Variants in C8orf34 observed in about 807,000 individuals in gnomAD.
The protein encoded by C8orf34 is uncharacterized protein C8orf34.
In C8orf34, 65 loss-of-function variants were observed where a neutral mutation model predicts 68.3. The observed-to-expected ratio is 0.95, with a 90% confidence interval of 0.78 to 1.17. The LOEUF is 1.17. C8orf34 is among the 50% of genes most tolerant of loss of function. The pLI is 0.00. For synonymous variants in C8orf34, 244 were observed against 241.2 expected (o/e 1.01, Z -0.11); for missense variants, 664 against 655.4 (o/e 1.01, Z -0.14).
intron 12 of C8orf34, among the ~76,000 whole-genome samples, chr8:68,809,787 T>C (rs1469390382): frequency 2.0e-5 from 3 of 152,216 alleles, no homozygotes; most frequent in African/African-American, 7.2e-5. Flanking sequence ...TTCCATTGTT[T>C]GAGCTAGTAT....
At chr8:68,806,980 G>A (rs1824507371) in intron 12 of C8orf34, among the ~76,000 whole-genome samples, 1 of 152,210 alleles carries the variant, frequency 6.6e-6, no homozygotes, top group Non-Finnish European at 1.5e-5. Flanking sequence ...TGAATTGGTG[G>A]TTACTGTTGG....
At chr8:68,539,726 T>C (rs1815628676) in intron 7 of C8orf34, among the ~76,000 whole-genome samples, 1 of 151,838 alleles carries the variant, frequency 6.6e-6, no homozygotes, top group Non-Finnish European at 1.5e-5. Flanking sequence ...TGGTGGCACA[T>C]GCCCGTAATC....
chr8:68,746,829 T>G (rs931489866), intron 10 of C8orf34, among the ~76,000 whole-genome samples: 2 of 151,778 alleles, frequency 1.3e-5, no homozygotes, highest in South Asian at 2.1e-4. Context: ...GTACCATTCC[T>G]TCTGAAACTA....
At chr8:68,760,023 G>T (rs1048624386) in intron 10 of C8orf34, among the ~76,000 whole-genome samples, 3 of 152,216 alleles carry the variant, frequency 2.0e-5, no homozygotes, top group African/African-American at 7.2e-5. Context: ...AGTATGCATG[G>T]CATGCCTAGG....
At chr8:68,721,996 T>A (rs910669870) in intron 10 of C8orf34, among the ~76,000 whole-genome samples, 3 of 152,086 alleles carry the variant, frequency 2.0e-5, no homozygotes, top group African/African-American at 7.2e-5. Context: ...TTATCTTAAA[T>A]GTAATATTTG....
chr8:68,442,870 GA>G (rs1409000259), intron 2 of C8orf34, among the ~76,000 whole-genome samples: 1 of 152,212 alleles, frequency 6.6e-6, no homozygotes, highest in Non-Finnish European at 1.5e-5. Context: ...CAAGAGACAG[GA>G]AAAGACTATG....
intron 1 of C8orf34, among the ~76,000 whole-genome samples, chr8:68,408,357 C>T (rs1461593528): frequency 6.6e-6 from 1 of 151,714 alleles, no homozygotes; most frequent in African/African-American, 2.4e-5. Context: ...ATAAAGTACA[C>T]AATAAATGTA....
At chr8:68,527,668 C>T (rs1244337775) in intron 6 of C8orf34, among the ~76,000 whole-genome samples, 1 of 152,212 alleles carries the variant, frequency 6.6e-6, no homozygotes, top group Non-Finnish European at 1.5e-5. Context: ...CTGAGCTAGG[C>T]TGCCTTGCTT....
At chr8:68,460,335 C>T (rs1480066743) in intron 3 of C8orf34, among the ~76,000 whole-genome samples, 1 of 152,232 alleles carries the variant, frequency 6.6e-6, no homozygotes, top group Non-Finnish European at 1.5e-5. Flanking sequence ...GGCCTGCCTG[C>T]CTCTGTAGGC....
chr8:68,807,847 T>G (rs909155727), intron 12 of C8orf34, among the ~76,000 whole-genome samples: 1 of 152,250 alleles, frequency 6.6e-6, no homozygotes, highest in Admixed American at 6.5e-5. Flanking sequence ...AGATTTTAAG[T>G]TGGGCTTTAT....
chr8:68,782,317 G>T (rs16935048), intron 11 of C8orf34, among the ~76,000 whole-genome samples: 3 of 151,318 alleles, frequency 2.0e-5, no homozygotes, highest in Middle Eastern at 3.2e-3. Flanking sequence ...GCTGTTTTTC[G>T]GTGTAGCTCA....
At chr8:68,394,087 AT>A (rs34903076) in intron 1 of C8orf34, among the ~76,000 whole-genome samples, 65,832 of 150,590 alleles carry the variant, frequency 0.44, 14,508 homozygotes, top group Non-Finnish European at 0.48. Context: ...TAGGCATGCC[AT>A]TTTTTTTTTA....
intron 10 of C8orf34, among the ~76,000 whole-genome samples, chr8:68,745,321 A>T (rs906262954): frequency 6.6e-6 from 1 of 152,308 alleles, no homozygotes; most frequent in South Asian, 2.1e-4. Context: ...AAGAAACTGC[A>T]TCAACTAATG....
chr8:68,644,570 A>G (rs919855543), intron 8 of C8orf34, among the ~76,000 whole-genome samples: 2 of 152,206 alleles, frequency 1.3e-5, no homozygotes, highest in Non-Finnish European at 2.9e-5. Context: ...TTGGGGTGGC[A>G]TGTTCTAAAC....
At chr8:68,531,021 TTATC>T (rs1815221809) in intron 6 of C8orf34, among the ~76,000 whole-genome samples, 1 of 152,242 alleles carries the variant, frequency 6.6e-6, no homozygotes, top group South Asian at 2.1e-4. Context: ...TTTACCATCT[TTATC>T]TATGACCTAT....
intron 7 of C8orf34, among the ~76,000 whole-genome samples, chr8:68,614,097 G>A (rs1203656798): frequency 1.3e-5 from 2 of 152,176 alleles, no homozygotes; most frequent in African/African-American, 4.8e-5. Flanking sequence ...CTTTTGAGAA[G>A]TGTCTGTTCA....
intron 2 of C8orf34, 59 bp downstream of exon 2, chr8:68,439,705 ACTCT>A: frequency 6.6e-7 from 1 of 1,512,700 alleles, no homozygotes; most frequent in Non-Finnish European, 9.0e-7. Flanking sequence ...AAATTTCAAA[ACTCT>A]TTTTGATACT....
At chr8:68,766,141 T>A (rs1434240077) in intron 10 of C8orf34, among the ~76,000 whole-genome samples, 2 of 152,142 alleles carry the variant, frequency 1.3e-5, no homozygotes, top group Non-Finnish European at 2.9e-5. Context: ...ATCTGAAAAA[T>A]CAATCACTTT....
chr8:68,705,211 G>A (rs1003225702), intron 8 of C8orf34, among the ~76,000 whole-genome samples: 1 of 152,146 alleles, frequency 6.6e-6, no homozygotes, highest in African/African-American at 2.4e-5. Context: ...CCAATCTTGA[G>A]CTGATGGTTT....
Sources: allele counts gnomAD v4.1 joint callset (sites outside exome capture counted in the v4.1 genomes callset), GRCh38; gene constraint gnomAD v4.1.1; transcripts MANE v1.5; gene names NCBI Gene and HGNC (gene_info 2026-07-23, HGNC 2026-07-21).